Variants in COL14A1 observed in about 807,000 individuals in gnomAD.
The protein encoded by COL14A1 is collagen type XIV alpha 1 chain.
COL14A1 carries 136 observed loss-of-function variants against 230.3 expected under a neutral mutation model. That is an observed-to-expected ratio of 0.59 (90% CI 0.51 to 0.68). The LOEUF (loss-of-function observed/expected upper bound fraction) is 0.68. Among genes scored for constraint, COL14A1 ranks in the 30% least tolerant of loss-of-function variants. COL14A1 has a pLI of 0.00. For missense variants in COL14A1, 1,976 were observed against 2,215.8 expected, an observed-to-expected ratio of 0.89 and a Z score of 2.17; for synonymous variants, 792 against 784.1, an observed-to-expected ratio of 1.01 and a Z score of -0.17.
chr8:120,268,475 T>C (rs1819563378), intron 25 of COL14A1, among the ~76,000 whole-genome samples: 1 of 151,726 alleles, frequency 6.6e-6, no homozygotes, highest in Admixed American at 6.6e-5. Flanking sequence ...TGAATGCTTA[T>C]AGAAGACTTA....
chr8:120,325,568 C>A (rs1769214251), intron 40 of COL14A1, among the ~76,000 whole-genome samples: 1 of 152,174 alleles, frequency 6.6e-6, no homozygotes, highest in Admixed American at 6.5e-5. Context: ...TCTTGGCTCA[C>A]TACAACCTCC....
At position 120,160,220 on chromosome 8, in the gene COL14A1, G is replaced by A. The variant is rs987254080; in HGVS notation, c.205+1974G>A. On this transcript the variant is annotated intron_variant, in intron 3 of 47. Coordinates refer to ENST00000297848, the MANE Select transcript of COL14A1 (RefSeq NM_021110.4). ...ATTTTTTTAAAAATAAGCTATCATGGGAAATTTAAATTTAAAAGATTCTTG... is the reference window on the plus strand; with the variant it reads ...ATTTTTTTAAAAATAAGCTATCATGAGAAATTTAAATTTAAAAGATTCTTG... 3.9e-5 allele frequency among the ~76,000 whole-genome samples: 6 copies of A among 151,968 alleles called. No homozygotes were observed. In the East Asian group the frequency reaches 1.2e-3, roughly 29 times the overall value.
At chr8:120,322,649 T>C (rs1821495720) in intron 40 of COL14A1, among the ~76,000 whole-genome samples, 1 of 152,240 alleles carries the variant, frequency 6.6e-6, no homozygotes, top group African/African-American at 2.4e-5. Context: ...ATGCAGAATC[T>C]GGTTTTTCTG....
At chr8:120,250,917 C>G in intron 22 of COL14A1, 151 bp downstream of exon 22, 3 of 803,480 alleles carry the variant, frequency 3.7e-6, no homozygotes, top group Non-Finnish European at 5.8e-6. Context: ...AAGTGATTCT[C>G]CTGCCTCAGC....
chr8:120,306,799 C>A (rs929948082), intron 36 of COL14A1, among the ~76,000 whole-genome samples: 2 of 152,012 alleles, frequency 1.3e-5, no homozygotes, highest in Non-Finnish European at 2.9e-5. Flanking sequence ...GGTAAACAGT[C>A]TTGATTATTA....
At chr8:120,266,686 G>C in intron 24 of COL14A1, 141 bp from the exon 25 acceptor site, 3 of 708,212 alleles carry the variant, frequency 4.2e-6, no homozygotes, top group East Asian at 5.2e-5. Context: ...GGCTGCGGCT[G>C]ATTTATAGTA....
chr8:120,190,960 G>A (rs1449570800), intron 5 of COL14A1, among the ~76,000 whole-genome samples: 22 of 147,030 alleles, frequency 1.5e-4, no homozygotes, highest in South Asian at 2.2e-4. Context: ...TCTTGCTAGC[G>A]GTCTATCAAT....
In COL14A1 at chr8:120,371,520, A is replaced by G; in HGVS notation, c.*289A>G. 1 of 397,542 alleles carries G rather than the reference A, an allele frequency of 2.5e-6. No homozygotes were observed. Among genetic ancestry groups the G allele is most frequent in the Non-Finnish European group, 4.4e-6 (1 of 225,618 alleles). 24.6% of individuals were successfully genotyped at this position (397,542 alleles called of 1,614,324 possible). On this transcript the variant is annotated 3_prime_UTR_variant, in exon 48 of 48. Coordinates refer to ENST00000297848, the MANE Select transcript of COL14A1 (RefSeq NM_021110.4). The stretch of plus-strand genomic sequence containing the variant: ...GAAGAGAGCTCAAAGAGGAATTGGG[A>G]AAAATAAATTGAACTCTGGAATCTT...
At chr8:120,286,408 A>G (rs1392185565) in intron 33 of COL14A1, among the ~76,000 whole-genome samples, 5 of 152,210 alleles carry the variant, frequency 3.3e-5, no homozygotes, top group Admixed American at 2.6e-4. Flanking sequence ...ACTTTTACAT[A>G]TATACAAGTG....
At chr8:120,273,225 T>C (rs1819729765) in intron 26 of COL14A1, among the ~76,000 whole-genome samples, 1 of 151,772 alleles carries the variant, frequency 6.6e-6, no homozygotes, top group African/African-American at 2.4e-5. Context: ...GAAGGAAATT[T>C]AAAAATTATT....
chr8:120,277,495 A>G (rs560463053), intron 26 of COL14A1: 2 of 152,266 alleles, frequency 1.3e-5, no homozygotes, highest in African/African-American at 2.4e-5. Flanking sequence ...CACTATTCAC[A>G]GTAACAAACA....
intron 1 of COL14A1, among the ~76,000 whole-genome samples, chr8:120,138,928 T>G (rs777288445): frequency 4.7e-4 from 72 of 152,308 alleles, no homozygotes; most frequent in Non-Finnish European, 8.1e-4. Flanking sequence ...AACATATATA[T>G]AAAATGTGGA....
At chr8:120,215,799 G>A (rs546393778) in intron 13 of COL14A1, among the ~76,000 whole-genome samples, 49 of 152,174 alleles carry the variant, frequency 3.2e-4, no homozygotes, top group Non-Finnish European at 6.2e-4. Context: ...GAAGGATAGA[G>A]TTTCCATTTG....
intron 2 of COL14A1, among the ~76,000 whole-genome samples, chr8:120,149,336 C>T (rs752739096): frequency 5.3e-5 from 8 of 152,188 alleles, no homozygotes; most frequent in Non-Finnish European, 1.0e-4. Context: ...CCACAAATTG[C>T]TATTATACAC....
Position 120,166,979 on chromosome 8 carries a change from C to T in COL14A1, c.350-1182C>T, listed in dbSNP as rs529423443. Among the ~76,000 whole-genome samples the T allele has an allele frequency of 1.1e-4, 16 of 147,698 alleles. No homozygotes were observed. The South Asian group carries it at 2.6e-3, about 24-fold the overall frequency. On this transcript the variant is annotated intron_variant, in intron 4 of 47. Transcript: ENST00000297848. ...AAAGTGCCAATGCTTATCAAGAAGT[C>T]GGTGAATGAGGTTTTAAAAAATTGT...
chr8:120,216,573 T>A, intron 14 of COL14A1, 83 bp downstream of exon 14: 1 of 1,351,690 alleles, frequency 7.4e-7, no homozygotes, highest in Non-Finnish European at 1.0e-6. Context: ...TCTCAAAGCC[T>A]AGTGGCTTAA....
chr8:120,329,007 G>A (rs991309931), intron 40 of COL14A1, among the ~76,000 whole-genome samples: 3 of 152,106 alleles, frequency 2.0e-5, no homozygotes, highest in Non-Finnish European at 2.9e-5. Flanking sequence ...ATCCAGTGCT[G>A]GAAGAGTTTT....
rs749325378 is a variant in COL14A1 at position 120,196,958 on chromosome 8, A to T, written c.592+12A>T. ...GAAGACACGAATTGGTATAATTTCTATTATTAGCAGTAGCAGTCAGTTGTC... is the reference window on the plus strand; with the variant it reads ...GAAGACACGAATTGGTATAATTTCTTTTATTAGCAGTAGCAGTCAGTTGTC... On this transcript the variant is annotated intron_variant, in intron 6 of 47. Coordinates refer to ENST00000297848, the MANE Select transcript of COL14A1 (RefSeq NM_021110.4). 9.9e-6 allele frequency: 16 copies of T among 1,612,766 alleles called. No individual in the cohort carries two copies. In the Admixed American group the frequency reaches 2.7e-4, roughly 27 times the overall value.
rs778201714 is a variant in COL14A1 at position 120,209,747 on chromosome 8, C to T, written c.1322-9C>T. On this transcript the variant is annotated splice_polypyrimidine_tract_variant and intron_variant, in intron 11 of 47. Coordinates refer to ENST00000297848, the MANE Select transcript of COL14A1 (RefSeq NM_021110.4). ...AGTGGCTCAACATTTAAAAAAAAAT[C>T]TCTTGCAGTTGCTTTACCGATGGCT... 3.1e-6 allele frequency: 5 copies of T among 1,595,876 alleles called. No homozygotes were observed. The African/African-American group carries it at 6.8e-5, about 22-fold the overall frequency.
Sources: allele counts gnomAD v4.1 joint callset (sites outside exome capture counted in the v4.1 genomes callset), GRCh38; gene constraint gnomAD v4.1.1; transcripts MANE v1.5; gene names NCBI Gene and HGNC (gene_info 2026-07-23, HGNC 2026-07-21).